LARGE1: variants seen among roughly 807,000 people sequenced by gnomAD.
LARGE1 encodes the protein xylosyl- and glucuronyltransferase LARGE1.
LARGE1 carries 43 observed loss-of-function variants against 87.6 expected under a neutral mutation model. That is an observed-to-expected ratio of 0.49 (90% CI 0.38 to 0.63). LARGE1 has a LOEUF of 0.63. Ranked by LOEUF, LARGE1 falls within the 30% of genes least tolerant of loss-of-function variation. The pLI is 0.00. For synonymous variants in LARGE1, 434 were observed against 394.6 expected, an observed-to-expected ratio of 1.10 and a Z score of -1.18; for missense variants, 802 against 1,000.2, an observed-to-expected ratio of 0.80 and a Z score of 2.67.
chr22:33,197,798 A>G (rs1309740101), intron 11 of LARGE1, among the ~76,000 whole-genome samples: 2 of 152,196 alleles, frequency 1.3e-5, no homozygotes, highest in Non-Finnish European at 2.9e-5. Context: ...TAAAATTGTT[A>G]TGTAAATATA....
At chr22:33,254,958 G>A (rs1214107567) in intron 11 of LARGE1, among the ~76,000 whole-genome samples, 4 of 124,234 alleles carry the variant, frequency 3.2e-5, no homozygotes, top group Admixed American at 2.5e-4. Context: ...TTTTTTTTGA[G>A]ACGGAGTCTC....
At chr22:33,634,347 C>T (rs756424535) in intron 3 of LARGE1, among the ~76,000 whole-genome samples, 2 of 152,124 alleles carry the variant, frequency 1.3e-5, no homozygotes, top group East Asian at 1.9e-4. Flanking sequence ...TGCATCCAGG[C>T]GACACTGCTG....
At chr22:33,503,625 C>T (rs892129869) in intron 6 of LARGE1, among the ~76,000 whole-genome samples, 1 of 151,724 alleles carries the variant, frequency 6.6e-6, no homozygotes, top group Non-Finnish European at 1.5e-5. Context: ...ATGGTGAAAC[C>T]ACGTCTCTAC....
At chr22:33,336,425 C>A (rs1173451091) in intron 10 of LARGE1, among the ~76,000 whole-genome samples, 1 of 152,058 alleles carries the variant, frequency 6.6e-6, no homozygotes, top group East Asian at 1.9e-4. Context: ...GTCTTAAACT[C>A]CTGACCTCAA....
intron 6 of LARGE1, among the ~76,000 whole-genome samples, chr22:33,534,756 G>A (rs1035404119): frequency 6.6e-6 from 1 of 152,194 alleles, no homozygotes; most frequent in African/African-American, 2.4e-5. Context: ...ACAACCAGGT[G>A]AGGTTGCAAT....
rs144545366 is a variant in LARGE1, at chr22:33,844,720, A to G, written c.-83+75275T>C. On this transcript the variant is annotated intron_variant, in intron 1 of 14. Coordinates refer to ENST00000397394, the MANE Select transcript of LARGE1 (RefSeq NM_133642.5). ...TTATAAAATAAGAGTGTGGTTTCCA[A>G]ACTTTTTTTTTTTTTTTGAGACGGA... is the stretch of plus-strand genomic sequence containing the variant. Among the ~76,000 whole-genome samples, 146 of 150,366 alleles carry G rather than the reference A, an allele frequency of 9.7e-4. 1 individual carries two copies. The East Asian group carries it at 0.024, about 25-fold the overall frequency.
At chr22:33,905,221 G>A (rs1291361273) in intron 1 of LARGE1, among the ~76,000 whole-genome samples, 7 of 151,818 alleles carry the variant, frequency 4.6e-5, no homozygotes, top group Non-Finnish European at 7.4e-5. Context: ...GCACCAGGAT[G>A]CCCAGCTGAT....
chr22:33,822,485 G>T (rs1180968182), intron 1 of LARGE1, among the ~76,000 whole-genome samples: 1 of 152,132 alleles, frequency 6.6e-6, no homozygotes, highest in Admixed American at 6.6e-5. Context: ...GATAACCTGA[G>T]GTCAGGAGTT....
chr22:33,247,045 GTA>G (rs200241725), intron 11 of LARGE1, among the ~76,000 whole-genome samples: 2,380 of 67,956 alleles, frequency 0.035, 23 homozygotes, highest in East Asian at 0.057. Context: ...ACTGCAGCCA[GTA>G]TGTGTGTGTG....
intron 6 of LARGE1, among the ~76,000 whole-genome samples, chr22:33,477,362 T>A (rs2069125168): frequency 6.6e-6 from 1 of 152,250 alleles, no homozygotes; most frequent in Non-Finnish European, 1.5e-5. Context: ...AAGTTTCTAC[T>A]TGATAATTAT....
intron 11 of LARGE1, among the ~76,000 whole-genome samples, chr22:33,179,702 C>T (rs1382727224): frequency 1.3e-5 from 2 of 152,116 alleles, no homozygotes; most frequent in African/African-American, 4.8e-5. Context: ...CATTTATTTG[C>T]TGGGTTTCTA....
At chr22:33,404,344 G>A (rs1344562476) in intron 7 of LARGE1, among the ~76,000 whole-genome samples, 1 of 152,198 alleles carries the variant, frequency 6.6e-6, no homozygotes, top group Non-Finnish European at 1.5e-5. Context: ...CTGCCTCCTA[G>A]GCTGTTTTGA....
At chr22:33,203,564 G>A (rs879911477) in intron 11 of LARGE1, among the ~76,000 whole-genome samples, 2 of 152,076 alleles carry the variant, frequency 1.3e-5, no homozygotes, top group African/African-American at 2.4e-5. Flanking sequence ...GTTTTCAGCC[G>A]GGGCATGGAG....
intron 11 of LARGE1, among the ~76,000 whole-genome samples, chr22:33,208,187 G>A (rs1568974170): frequency 6.6e-6 from 1 of 150,566 alleles, no homozygotes; most frequent in African/African-American, 2.5e-5. Flanking sequence ...AGGTGTTCTA[G>A]AAAAGAGAGG....
intron 6 of LARGE1, among the ~76,000 whole-genome samples, chr22:33,449,009 T>C (rs2067804664): frequency 6.6e-6 from 1 of 152,212 alleles, no homozygotes; most frequent in Admixed American, 6.5e-5. Flanking sequence ...TTATAGCACG[T>C]AGTTTTTCCT....
At chr22:33,634,373 C>G (rs905843765) in intron 3 of LARGE1, among the ~76,000 whole-genome samples, 2 of 152,114 alleles carry the variant, frequency 1.3e-5, no homozygotes, top group Non-Finnish European at 2.9e-5. Context: ...GGCCCAGGGA[C>G]CATACTTTGA....
At position 33,660,399 on chromosome 22, in the gene LARGE1, G is replaced by A. The variant is rs73170506; in HGVS notation, c.107-9731C>T. 5.2e-3 allele frequency among the ~76,000 whole-genome samples: 798 copies of A among 152,284 alleles called. 3 individuals are homozygous for A. Among genetic ancestry groups the A allele is most frequent in the Non-Finnish European group, 9.3e-3 (631 of 68,016 alleles). On this transcript the variant is annotated intron_variant, in intron 2 of 14. Transcript: ENST00000397394. Reference sequence around the variant, plus strand: ...TAGAAAACCGTCATTGGAGGGTAATGATAACAGTGTATACTAGAAAAGGTG... The same window carrying A: ...TAGAAAACCGTCATTGGAGGGTAATAATAACAGTGTATACTAGAAAAGGTG...
intron 11 of LARGE1, among the ~76,000 whole-genome samples, chr22:33,266,641 G>A (rs753811456): frequency 1.3e-5 from 2 of 151,698 alleles, no homozygotes; most frequent in African/African-American, 4.9e-5. Context: ...TCCAGCATAT[G>A]TTTGTTCTCC....
intron 6 of LARGE1, among the ~76,000 whole-genome samples, chr22:33,458,111 T>C (rs1262397461): frequency 2.8e-4 from 37 of 133,078 alleles, no homozygotes; most frequent in Non-Finnish European, 1.6e-5. Context: ...AATTTTTTTC[T>C]TTTTTTTTTT....
Sources: allele counts gnomAD v4.1 joint callset (sites outside exome capture counted in the v4.1 genomes callset), GRCh38; gene constraint gnomAD v4.1.1; transcripts MANE v1.5; gene names NCBI Gene and HGNC (gene_info 2026-07-23, HGNC 2026-07-21).